The following LAMA2 variants were observed in gnomAD, a reference collection of about 807,000 sequenced individuals.
The protein encoded by LAMA2 is laminin subunit alpha 2, also known as laminin subunit alpha-2.
Under a neutral mutation model 364.8 loss-of-function variants are expected in LAMA2, and 269 were observed. That is an observed-to-expected ratio of 0.74 (90% confidence interval 0.67 to 0.82). The LOEUF (loss-of-function observed/expected upper bound fraction) is 0.82. Among genes scored for constraint, LAMA2 ranks in the 40% least tolerant of loss-of-function variants. LAMA2 has a pLI of 0.00. For missense variants in LAMA2, 3,807 were observed against 3,873.2 expected, an observed-to-expected ratio of 0.98 and a Z score of 0.45; for synonymous variants, 1,379 against 1,370.6, an observed-to-expected ratio of 1.01 and a Z score of -0.14.
chr6:128,942,062 A>T (rs1037258141), intron 1 of LAMA2, among the ~76,000 whole-genome samples: 3 of 152,232 alleles, frequency 2.0e-5, no homozygotes, highest in Admixed American at 6.5e-5. Context: ...TCCAAGATAT[A>T]TGAGTAAAAG....
chr6:129,075,109 A>G (rs983984437), intron 3 of LAMA2, among the ~76,000 whole-genome samples: 1 of 152,206 alleles, frequency 6.6e-6, no homozygotes, highest in South Asian at 2.1e-4. Context: ...AAGATTATAG[A>G]CGGTGATGAA....
At chr6:128,977,766 T>C (rs913014918) in intron 1 of LAMA2, among the ~76,000 whole-genome samples, 8 of 152,198 alleles carry the variant, frequency 5.3e-5, no homozygotes, top group Admixed American at 5.2e-4. Context: ...ATTTTCAACT[T>C]TTCTCTAGTT....
chr6:128,921,013 T>C (rs1778676001), intron 1 of LAMA2, among the ~76,000 whole-genome samples: 1 of 152,226 alleles, frequency 6.6e-6, no homozygotes, highest in African/African-American at 2.4e-5. Context: ...GTCTTTGCAC[T>C]ATTGCTTGCA....
At chr6:129,307,400 G>A (rs1456515351) in intron 22 of LAMA2, among the ~76,000 whole-genome samples, 1 of 152,164 alleles carries the variant, frequency 6.6e-6, no homozygotes, top group Non-Finnish European at 1.5e-5. Flanking sequence ...CACATCTCTG[G>A]AATTACCTTT....
At chr6:129,213,346 A>G (rs967837412) in intron 12 of LAMA2, among the ~76,000 whole-genome samples, 2 of 152,214 alleles carry the variant, frequency 1.3e-5, no homozygotes, top group African/African-American at 4.8e-5. Context: ...CACTTATGTG[A>G]TAAGTCTTGT....
At chr6:128,907,470 T>C (rs1777566770) in intron 1 of LAMA2, among the ~76,000 whole-genome samples, 1 of 152,190 alleles carries the variant, frequency 6.6e-6, no homozygotes, top group African/African-American at 2.4e-5. Flanking sequence ...CTTGTGATTT[T>C]TGCACATTGA....
intron 4 of LAMA2, among the ~76,000 whole-genome samples, chr6:129,101,260 C>A (rs7751685): frequency 0.096 from 14,649 of 152,154 alleles, 904 homozygotes; most frequent in African/African-American, 0.17. Context: ...AAACCAGCAA[C>A]AACTCTTATC....
chr6:129,335,237 T>C (rs1775882357), intron 29 of LAMA2, among the ~76,000 whole-genome samples: 1 of 152,164 alleles, frequency 6.6e-6, no homozygotes, highest in Non-Finnish European at 1.5e-5. Flanking sequence ...TCAGTGACAT[T>C]GCTCCTTAAG....
At chr6:129,299,918 A>G (rs549720651) in intron 21 of LAMA2, among the ~76,000 whole-genome samples, 1 of 152,276 alleles carries the variant, frequency 6.6e-6, no homozygotes, top group Admixed American at 6.5e-5. Flanking sequence ...GAATTCAAGT[A>G]TTTGGGTTTC....
At chr6:128,890,149 C>T (rs543357691) in intron 1 of LAMA2, among the ~76,000 whole-genome samples, 6 of 152,242 alleles carry the variant, frequency 3.9e-5, no homozygotes, top group South Asian at 2.1e-4. Context: ...CATTTAGCTG[C>T]GTCTTGAGTG....
At chr6:129,232,420 T>G (rs557738551) in intron 12 of LAMA2, among the ~76,000 whole-genome samples, 2 of 152,274 alleles carry the variant, frequency 1.3e-5, no homozygotes, top group African/African-American at 4.8e-5. Flanking sequence ...TGTTATAATT[T>G]AATCTTCTAA....
intron 1 of LAMA2, among the ~76,000 whole-genome samples, chr6:129,038,362 C>T (rs1201898771): frequency 6.6e-6 from 1 of 152,162 alleles, no homozygotes; most frequent in Non-Finnish European, 1.5e-5. Flanking sequence ...TCTGTGTGTA[C>T]ATAACATGTG....
chr6:128,945,921 T>C (rs72983366), intron 1 of LAMA2, among the ~76,000 whole-genome samples: 19,443 of 152,234 alleles, frequency 0.13, 1,561 homozygotes, highest in African/African-American at 0.23. Context: ...GGAAGATTAT[T>C]CTGAGGGCAC....
chr6:129,349,573 CG>C (rs1562483557), intron 31 of LAMA2, among the ~76,000 whole-genome samples, 189 bp downstream of exon 31: 1 of 151,736 alleles, frequency 6.6e-6, no homozygotes, highest in African/African-American at 2.4e-5. Context: ...TTATTTCCAC[CG>C]TATGTTTAGA....
At chr6:129,401,100 A>AT in intron 37 of LAMA2, 124 bp from the exon 38 acceptor site, 2 of 769,794 alleles carry the variant, frequency 2.6e-6, no homozygotes, top group South Asian at 1.4e-5. Flanking sequence ...TCATCTAGCC[A>AT]CATTTCAACA....
At chr6:128,961,318 GATATATATATATATATATAT>G (rs58772123) in intron 1 of LAMA2, among the ~76,000 whole-genome samples, 1,180 of 57,776 alleles carry the variant, frequency 0.02, 69 homozygotes, top group African/African-American at 0.047. Flanking sequence ...GAACTAATAT[GATATATATATATATATATAT>G]ATATATATAT....
chr6:129,285,843 A>G (rs1459734684), intron 18 of LAMA2, among the ~76,000 whole-genome samples: 4 of 152,136 alleles, frequency 2.6e-5, no homozygotes, highest in Non-Finnish European at 4.4e-5. Flanking sequence ...ACAAACAATT[A>G]TATCTGTGGT....
chr6:129,463,145 A>G (rs1783345372), intron 49 of LAMA2, among the ~76,000 whole-genome samples: 1 of 152,042 alleles, frequency 6.6e-6, no homozygotes, highest in Non-Finnish European at 1.5e-5. Context: ...ATATTCACCT[A>G]GAACGTAGCT....
chr6:129,464,480 C>G, intron 50 of LAMA2, 28 bp downstream of exon 50: 1 of 1,581,418 alleles, frequency 6.3e-7, no homozygotes, highest in Non-Finnish European at 8.7e-7. Context: ...AGCAGAGTTT[C>G]CGTGACTAAA....
Sources: allele counts gnomAD v4.1 joint callset (sites outside exome capture counted in the v4.1 genomes callset), GRCh38; gene constraint gnomAD v4.1.1; transcripts MANE v1.5; gene names NCBI Gene and HGNC (gene_info 2026-07-23, HGNC 2026-07-21).